Variants in ZFAND4 observed in about 807,000 individuals in gnomAD.
The protein encoded by ZFAND4 is AN1-type zinc finger protein 4.
A neutral mutation model predicts 64.4 loss-of-function variants in ZFAND4; 43 were observed. The ratio of observed to expected loss-of-function variants is 0.67; its 90% CI spans 0.52 to 0.86. The LOEUF (loss-of-function observed/expected upper bound fraction) is 0.86, where lower values mean the gene tolerates loss of function less well. ZFAND4 is among the 40% of genes least tolerant of loss of function. The pLI is 0.00. For missense variants in ZFAND4, 929 were observed against 859.8 expected (o/e 1.08, Z -1.01); for synonymous variants, 296 against 305.7 (o/e 0.97, Z 0.33).
intron 6 of ZFAND4, among the ~76,000 whole-genome samples, chr10:45,631,085 G>A (rs955118879): frequency 6.6e-6 from 1 of 151,954 alleles, no homozygotes; most frequent in Admixed American, 6.6e-5. Flanking sequence ...TTGGAAGGCC[G>A]AGGCGGGCGG....
At chr10:45,647,862 T>C (rs1338564211) in intron 5 of ZFAND4, among the ~76,000 whole-genome samples, 3 of 152,210 alleles carry the variant, frequency 2.0e-5, no homozygotes, top group African/African-American at 7.2e-5. Context: ...TTCTATTGCT[T>C]AGCTAAATAT....
In ZFAND4 at chr10:45,626,622, G is replaced by C; in HGVS notation, c.1201C>G (p.Leu401Val). The change falls in exon 7 of 10, where the codon CTG becomes GTG. Residue 401 changes from leucine (L) to valine (V), a missense_variant. Transcript: ENST00000344646. ...GCATTTCCTTCTGCAAATGAAGCCA[G>C]TGAGCCCACTTTAGGTAGAAGTGAT... ...EQSLLPKVGSLASFAEGNADE... is the reference protein window; with the variant it reads ...EQSLLPKVGSVASFAEGNADE... 6.2e-7 allele frequency: 1 copy of C among 1,614,212 alleles called. No homozygotes were observed. Among genetic ancestry groups the C allele is most frequent in the Admixed American group, 1.7e-5 (1 of 60,018 alleles).
At chr10:45,617,999 T>C in intron 9 of ZFAND4, 141 bp downstream of exon 9, 1 of 817,722 alleles carries the variant, frequency 1.2e-6, no homozygotes, top group Non-Finnish European at 1.8e-6. Flanking sequence ...CTTCAGCCAA[T>C]TAGAAGTTCA....
chr10:45,650,898 C>T (rs1200886349), intron 4 of ZFAND4: 1 of 152,118 alleles, frequency 6.6e-6, no homozygotes, highest in African/African-American at 2.4e-5. Flanking sequence ...CTAAAAGGCC[C>T]TAACATTATT....
At chr10:45,627,336 C>T (rs1219960120) in intron 6 of ZFAND4, among the ~76,000 whole-genome samples, 2 of 151,942 alleles carry the variant, frequency 1.3e-5, no homozygotes, top group African/African-American at 4.8e-5. Flanking sequence ...TGTTTTATTT[C>T]CTTACTGCTG....
rs980605685 is a variant in ZFAND4, at chr10:45,652,041, T to C, written c.261-8A>G. The C allele has an allele frequency of 2.2e-5, 36 of 1,613,248 alleles. No homozygotes were observed. The highest frequency in any genetic ancestry group is 2.6e-5 in the Non-Finnish European group (31 of 1,179,470). On this transcript the variant is annotated splice_region_variant and splice_polypyrimidine_tract_variant and intron_variant, in intron 3 of 9. Coordinates refer to ENST00000344646, the MANE Select transcript of ZFAND4 (RefSeq NM_174890.4). ...GTACACCCTTCTGAAATGCTGTGGA[T>C]AGTTAACACAAAAATAAATCATAAT...
chr10:45,670,910 GA>G (rs1389051604), intron 1 of ZFAND4, among the ~76,000 whole-genome samples: 2 of 151,796 alleles, frequency 1.3e-5, no homozygotes, highest in Non-Finnish European at 2.9e-5. Context: ...TACAGAATGG[GA>G]AAAAAATTTT....
chr10:45,644,751 T>G (rs555883085), intron 5 of ZFAND4, among the ~76,000 whole-genome samples: 2 of 152,318 alleles, frequency 1.3e-5, no homozygotes, highest in South Asian at 4.1e-4. Context: ...TATTGCTCTG[T>G]GTTATTGTTT....
intron 1 of ZFAND4, among the ~76,000 whole-genome samples, chr10:45,665,609 A>G (rs1024664101): frequency 1.1e-4 from 17 of 152,304 alleles, no homozygotes; most frequent in African/African-American, 3.8e-4. Flanking sequence ...TTTAAAGCCT[A>G]AAATTCACTG....
chr10:45,646,706 T>C (rs1265910754), intron 5 of ZFAND4, among the ~76,000 whole-genome samples: 1 of 152,258 alleles, frequency 6.6e-6, no homozygotes, highest in East Asian at 1.9e-4. Flanking sequence ...ACTCATACGC[T>C]AAGCTGAGGA....
rs759647113 is a variant in ZFAND4, at chr10:45,616,570, A to C, written c.2050T>G (p.Cys684Gly). Residue 684 changes from cysteine to glycine, a missense_variant and splice_region_variant, in exon 10 of 10, where the codon TGT (cysteine) becomes GGT (glycine). Cys to Gly is a radical substitution (Grantham distance 159). Coordinates refer to ENST00000344646, the MANE Select transcript of ZFAND4 (RefSeq NM_174890.4). ...TGAGATGCACAGAAGTTGTTTCCAC[A>C]TCTAAAGCACAAAAAAAGTTTACGT... ...TGLASSYECR[C>G]GNNFCASHRY... 6.2e-7 allele frequency: 1 copy of C among 1,613,862 alleles called. No homozygotes were observed. The highest frequency in any genetic ancestry group is 1.3e-5 in the African/African-American group (1 of 74,930).
rs1187926181 is a variant in ZFAND4, at chr10:45,672,191, C to G, written c.-118+59G>C. On this transcript the variant is annotated intron_variant, in intron 1 of 9. Transcript: ENST00000344646. ...TAAACTCTAGTCCGGAGTTCATCTG[C>G]AAGCGGAATTGGGAAGTATTTCAGA... is the stretch of plus-strand genomic sequence containing the variant. 3.3e-5 allele frequency: 5 copies of G among 152,270 alleles called. No individual in the cohort carries two copies. The East Asian group carries it at 9.6e-4, about 29-fold the overall frequency. The allele number at this position is 152,270 out of a possible 1,614,324, so 9.4% of individuals were successfully genotyped here. A position where few individuals can be genotyped will look rare whatever the true frequency, so the allele number is the denominator to read the frequency against.
chr10:45,646,327 A>C lies in ZFAND4; in HGVS notation c.569+1967T>G, dbSNP rs150211523. On this transcript the variant is annotated intron_variant, in intron 5 of 9. Coordinates refer to ENST00000344646, the MANE Select transcript of ZFAND4 (RefSeq NM_174890.4). ...GTTACTATCTGCACACCTTTACAGA[A>C]GAAGTTTGCTACCCCTGTTGTAGAC... 3.0e-3 allele frequency among the ~76,000 whole-genome samples: 463 copies of C among 152,334 alleles called. 3 individuals carry two copies. Among genetic ancestry groups the C allele is most frequent in the Middle Eastern group, 0.014 (4 of 294 alleles).
chr10:45,642,149 T>C (rs2047043281), intron 5 of ZFAND4, among the ~76,000 whole-genome samples: 1 of 152,230 alleles, frequency 6.6e-6, no homozygotes, highest in Non-Finnish European at 1.5e-5. Context: ...TACCTTGCAA[T>C]ATTTTAACCT....
At chr10:45,665,889 T>C (rs186927246) in intron 1 of ZFAND4, among the ~76,000 whole-genome samples, 1 of 152,366 alleles carries the variant, frequency 6.6e-6, no homozygotes, top group Admixed American at 6.5e-5. Flanking sequence ...TTCTAGGATA[T>C]ATCAGTATTT....
rs1009391306 is a variant in ZFAND4 at position 45,633,534 on chromosome 10, C to CAAGAA, written c.717+6277_717+6281dup. Among the ~76,000 whole-genome samples the CAAGAA allele has an allele frequency of 1.3e-4, 20 of 151,182 alleles. No individual in the cohort carries two copies. In the Middle Eastern group the frequency reaches 0.01, roughly 77 times the overall value. The stretch of plus-strand genomic sequence containing the variant: ...ATAGTGAGACTCCCACCTCTAAAAA[C>CAAGAA]AAGAAAAGAAAAGAAAAAGAAAAAC... On this transcript the variant is annotated intron_variant, in intron 6 of 9. Coordinates refer to ENST00000344646, the MANE Select transcript of ZFAND4 (RefSeq NM_174890.4).
At chr10:45,659,067 T>C (rs1366602832) in intron 2 of ZFAND4, among the ~76,000 whole-genome samples, 1 of 152,222 alleles carries the variant, frequency 6.6e-6, no homozygotes, top group African/African-American at 2.4e-5. Flanking sequence ...AACACTTGAA[T>C]GGTAATTTTG....
In ZFAND4 at chr10:45,672,738, G is replaced by T. The variant is rs555552975; in HGVS notation, c.-606C>A. 1.3e-5 allele frequency: 2 copies of T among 152,246 alleles called. No individual in the cohort carries two copies. The highest frequency in any genetic ancestry group is 4.8e-5 in the African/African-American group (2 of 41,460). 9.4% of individuals were successfully genotyped at this position (152,246 alleles called of 1,614,324 possible). Reference sequence around the variant, plus strand: ...ACAGGTCGACAGGGCCCAACGACCCGGCGAGCAACTTCACGGAAGGCACTG... The same window carrying T: ...ACAGGTCGACAGGGCCCAACGACCCTGCGAGCAACTTCACGGAAGGCACTG... On this transcript the variant is annotated 5_prime_UTR_variant, in exon 1 of 10. Transcript: ENST00000344646.
At chr10:45,653,439 A>C (rs762609944) in intron 2 of ZFAND4, among the ~76,000 whole-genome samples, 1 of 152,238 alleles carries the variant, frequency 6.6e-6, no homozygotes, top group African/African-American at 2.4e-5. Context: ...CAAAGATCTA[A>C]TATCTACGAT....
Sources: gnomAD v4.1 joint callset for allele counts (sites outside exome capture counted in the v4.1 genomes callset) on GRCh38, gnomAD v4.1.1 for gene constraint, MANE v1.5 for transcripts, NCBI Gene and HGNC (gene_info 2026-07-23, HGNC 2026-07-21) for gene names.